The following WWOX variants were observed in gnomAD, a reference collection of about 807,000 sequenced individuals.
The protein encoded by WWOX is WW domain-containing oxidoreductase.
WWOX carries 69 observed loss-of-function variants against 46.2 expected under a neutral mutation model. That is an observed-to-expected ratio of 1.49 (90% CI 1.23 to 1.82). The LOEUF (loss-of-function observed/expected upper bound fraction) is 1.82. Ranked by LOEUF, WWOX falls within the 40% of genes most tolerant of loss-of-function variation. The pLI is 0.00. For missense variants in WWOX, 919 were observed against 542.6 expected (o/e 1.69, Z -6.89); for synonymous variants, 359 against 202.6 (o/e 1.77, Z -6.56).
intron 5 of WWOX, among the ~76,000 whole-genome samples, chr16:78,321,640 T>A (rs1435258087): frequency 6.6e-6 from 1 of 152,000 alleles, no homozygotes; most frequent in Non-Finnish European, 1.5e-5. Flanking sequence ...TATTACTCTG[T>A]CATTTTCTTG....
chr16:79,033,654 CT>C (rs1258900365), intron 8 of WWOX, among the ~76,000 whole-genome samples: 1 of 152,116 alleles, frequency 6.6e-6, no homozygotes, highest in Non-Finnish European at 1.5e-5. Context: ...GACCATCCAT[CT>C]CCAGAATGAT....
intron 8 of WWOX, among the ~76,000 whole-genome samples, chr16:78,454,431 A>G (rs12051377): frequency 6.6e-6 from 1 of 151,848 alleles, no homozygotes; most frequent in South Asian, 2.1e-4. Flanking sequence ...TTACAAAATG[A>G]TACTTTTATC....
intron 8 of WWOX, among the ~76,000 whole-genome samples, chr16:78,752,451 C>A (rs1171705526): frequency 6.6e-6 from 1 of 152,114 alleles, no homozygotes; most frequent in Non-Finnish European, 1.5e-5. Flanking sequence ...CCACACCTGG[C>A]TAATTTTTGT....
intron 8 of WWOX, among the ~76,000 whole-genome samples, chr16:79,091,633 G>A (rs552326047): frequency 6.6e-6 from 1 of 152,118 alleles, no homozygotes; most frequent in African/African-American, 2.4e-5. Flanking sequence ...AAGTACCCTC[G>A]GGCAATTTAG....
chr16:78,878,899 A>C (rs1017508961), intron 8 of WWOX, among the ~76,000 whole-genome samples: 1 of 89,178 alleles, frequency 1.1e-5, no homozygotes, highest in Non-Finnish European at 2.5e-5. Flanking sequence ...CTACAAAAAA[A>C]TGAAAAAAAA....
intron 8 of WWOX, among the ~76,000 whole-genome samples, chr16:79,135,490 A>C (rs2150705000): frequency 6.6e-6 from 1 of 152,306 alleles, no homozygotes; most frequent in Non-Finnish European, 1.5e-5. Context: ...CCATCTATTA[A>C]AAGAGATTTA....
chr16:78,518,672 C>T (rs756541593), intron 8 of WWOX, among the ~76,000 whole-genome samples: 25 of 152,218 alleles, frequency 1.6e-4, no homozygotes, highest in Admixed American at 1.1e-3. Context: ...TATTGAATGC[C>T]GATTGTTCAG....
At position 78,317,251 on chromosome 16, in the gene WWOX, T is replaced by C. The variant is rs533174484; in HGVS notation, c.517-69609T>C. 6.8e-4 allele frequency among the ~76,000 whole-genome samples: 104 copies of C among 152,320 alleles called. 1 individual carries two copies. The highest frequency in any genetic ancestry group is 2.4e-3 in the African/African-American group (99 of 41,570). ...TGAACAACTGCAGGAACTTGAGTGATACTTTGGGGTGAATTCTCTCTCTCT... is the reference window on the plus strand; with the variant it reads ...TGAACAACTGCAGGAACTTGAGTGACACTTTGGGGTGAATTCTCTCTCTCT... On this transcript the variant is annotated intron_variant, in intron 5 of 8. Coordinates refer to ENST00000566780, the MANE Select transcript of WWOX (RefSeq NM_016373.4).
intron 8 of WWOX, among the ~76,000 whole-genome samples, chr16:78,533,530 A>G (rs2043681629): frequency 6.6e-6 from 1 of 152,196 alleles, no homozygotes; most frequent in South Asian, 2.1e-4. Context: ...TGGTTTGGAC[A>G]AGCTTAGTCT....
At chr16:78,971,080 T>A (rs980645095) in intron 8 of WWOX, among the ~76,000 whole-genome samples, 1 of 152,070 alleles carries the variant, frequency 6.6e-6, no homozygotes, top group South Asian at 2.1e-4. Context: ...TACATATGTA[T>A]ATGTATATCA....
At chr16:78,453,223 A>T (rs74949472) in intron 8 of WWOX, among the ~76,000 whole-genome samples, 1 of 151,854 alleles carries the variant, frequency 6.6e-6, no homozygotes. Flanking sequence ...CAGGAGTTTG[A>T]TAATAGCCTG....
At position 78,380,076 on chromosome 16, in the gene WWOX, A is replaced by T. The variant is rs941384082; in HGVS notation, c.517-6784A>T. Among the ~76,000 whole-genome samples the T allele has an allele frequency of 5.3e-5, 8 of 152,200 alleles. No homozygotes were observed. The East Asian group carries it at 1.5e-3, about 29-fold the overall frequency. On this transcript the variant is annotated intron_variant, in intron 5 of 8. Coordinates refer to ENST00000566780, the MANE Select transcript of WWOX (RefSeq NM_016373.4). ...ATTGAAGGTGTCTGTTAACTGTGCT[A>T]CCAATGAGTGCCCCTGTATCCGAGG...
chr16:79,154,030 C>T (rs1182194511), intron 8 of WWOX, among the ~76,000 whole-genome samples: 1 of 152,182 alleles, frequency 6.6e-6, no homozygotes, highest in Non-Finnish European at 1.5e-5. Context: ...AGGCATACTG[C>T]CCAAATCCAA....
chr16:78,674,361 T>C (rs2142212705), intron 8 of WWOX, among the ~76,000 whole-genome samples: 1 of 151,634 alleles, frequency 6.6e-6, no homozygotes, highest in East Asian at 1.9e-4. Context: ...CTTGGCTCAC[T>C]GCAACCTCTC....
At chr16:78,676,468 C>G (rs903960583) in intron 8 of WWOX, among the ~76,000 whole-genome samples, 1 of 150,994 alleles carries the variant, frequency 6.6e-6, no homozygotes, top group Non-Finnish European at 1.5e-5. Context: ...ACCTAAAAAG[C>G]TCCCCACCCC....
At chr16:78,775,248 A>G (rs557394364) in intron 8 of WWOX, among the ~76,000 whole-genome samples, 4 of 152,346 alleles carry the variant, frequency 2.6e-5, no homozygotes, top group South Asian at 4.1e-4. Flanking sequence ...GGCCAATAAT[A>G]TCACAAAACA....
intron 8 of WWOX, among the ~76,000 whole-genome samples, chr16:78,879,612 T>A (rs1272567387): frequency 6.6e-6 from 1 of 152,186 alleles, no homozygotes; most frequent in African/African-American, 2.4e-5. Context: ...GCATGATGGT[T>A]CACGCCTGTA....
chr16:78,923,795 T>TG (rs1491497646), intron 8 of WWOX, among the ~76,000 whole-genome samples: 1 of 3,354 alleles, frequency 3.0e-4, no homozygotes, highest in Non-Finnish European at 3.4e-3. Flanking sequence ...TTTTAGTTAG[T>TG]TTTTTTTTTT....
intron 8 of WWOX, among the ~76,000 whole-genome samples, chr16:78,635,896 C>A (rs1038793015): frequency 9.9e-5 from 15 of 152,074 alleles, no homozygotes; most frequent in African/African-American, 3.6e-4. Context: ...GAAACCAGGA[C>A]ACAGAGAAAA....
Sources: gnomAD v4.1 joint callset for allele counts (sites outside exome capture counted in the v4.1 genomes callset) on GRCh38, gnomAD v4.1.1 for gene constraint, MANE v1.5 for transcripts, NCBI Gene and HGNC (gene_info 2026-07-23, HGNC 2026-07-21) for gene names.